The following DISC1 variants were observed in gnomAD, a reference collection of about 807,000 sequenced individuals.
DISC1 encodes DISC1 scaffold protein, also known as disrupted in schizophrenia 1 protein.
In DISC1, 57 loss-of-function variants were observed where a neutral mutation model predicts 84.5. The ratio of observed to expected loss-of-function variants is 0.67; its 90% CI spans 0.55 to 0.84. The LOEUF (loss-of-function observed/expected upper bound fraction) is 0.84. Among genes scored for constraint, DISC1 ranks in the 40% least tolerant of loss-of-function variants. The pLI is 0.00. For missense variants in DISC1, 1,000 were observed against 1,057.8 expected, an observed-to-expected ratio of 0.95 and a Z score of 0.76; for synonymous variants, 411 against 415.2, an observed-to-expected ratio of 0.99 and a Z score of 0.12.
rs1390638841 is a variant in DISC1, at chr1:231,694,182, G to C, written c.424G>C (p.Gly142Arg). 1.2e-6 allele frequency: 2 copies of C among 1,614,084 alleles called. No homozygotes were observed. The highest frequency in any genetic ancestry group is 1.7e-6 in the Non-Finnish European group (2 of 1,180,048). ...CTGGCCGTGTGGCCCTGGGAGTGCT[G>C]GGTGGCAGCAAGAGTTTGCAGCCAT... ...LSWPCGPGSA[G>R]WQQEFAAMDS... The change falls in exon 2 of 13, where the codon GGG becomes CGG. Residue 142 changes from glycine (G) to arginine (R), a missense_variant. This residue lies in a region of DISC1 where 292 missense variants were observed against 280.2 expected (regional missense o/e 1.04). Transcript: ENST00000439617.
At chr1:231,651,037 A>G (rs1222030303) in intron 1 of DISC1, among the ~76,000 whole-genome samples, 1 of 151,982 alleles carries the variant, frequency 6.6e-6, no homozygotes, top group African/African-American at 2.4e-5. Context: ...GAAGTTTGTT[A>G]TTACTGACCT....
intron 9 of DISC1, among the ~76,000 whole-genome samples, chr1:231,928,646 G>A (rs2090483710): frequency 6.6e-6 from 1 of 152,118 alleles, no homozygotes; most frequent in Non-Finnish European, 1.5e-5. Context: ...TTATTTTGAT[G>A]TTAGGGTGTC....
intron 6 of DISC1, among the ~76,000 whole-genome samples, chr1:231,792,766 T>C (rs1250790698): frequency 6.6e-6 from 1 of 152,214 alleles, no homozygotes; most frequent in Admixed American, 6.5e-5. Context: ...TCTCCATGTC[T>C]GTGTGACACT....
At position 231,861,452 on chromosome 1, in the gene DISC1, G is replaced by A. The variant is rs1475575405; in HGVS notation, c.1981+42935G>A. ...CAGACTCTGTCATTGATTTTGACAA[G>A]TTTTTTTTTTTTTTTTTTTTTTTTT... On this transcript the variant is annotated intron_variant, in intron 9 of 12. Coordinates refer to ENST00000439617, the MANE Select transcript of DISC1 (RefSeq NM_018662.3). Among the ~76,000 whole-genome samples, 4 of 88,986 alleles carry A rather than the reference G, an allele frequency of 4.5e-5. No homozygotes were observed. In the East Asian group the frequency reaches 1.3e-3, roughly 29 times the overall value. 58.4% of individuals were successfully genotyped at this position (88,986 alleles called of 152,430 possible). A position where few individuals can be genotyped will look rare whatever the true frequency, so the allele number is the denominator to read the frequency against.
intron 9 of DISC1, among the ~76,000 whole-genome samples, chr1:231,868,692 TTATATATATATATATATATA>T (rs58636016): frequency 0.23 from 24,502 of 108,814 alleles, 2,818 homozygotes; most frequent in Middle Eastern, 0.35. Context: ...ACCCCATCTC[TTATATATATATATATATATA>T]TATATATATA....
chr1:232,035,590 C>T (rs1373381797), intron 12 of DISC1, among the ~76,000 whole-genome samples: 2 of 152,182 alleles, frequency 1.3e-5, no homozygotes, highest in East Asian at 3.9e-4. Context: ...TTTCCCAAAG[C>T]TCCCCATTCC....
intron 9 of DISC1, among the ~76,000 whole-genome samples, chr1:231,873,984 A>G (rs371263990): frequency 6.6e-6 from 1 of 151,794 alleles, no homozygotes; most frequent in African/African-American, 2.4e-5. Flanking sequence ...AGTAGCTGGG[A>G]CTACAGGCAT....
chr1:231,981,824 G>C (rs1663644918), intron 10 of DISC1, among the ~76,000 whole-genome samples: 1 of 152,146 alleles, frequency 6.6e-6, no homozygotes, highest in African/African-American at 2.4e-5. Context: ...AGACAGAAAG[G>C]GTTATTGTGG....
intron 3 of DISC1, among the ~76,000 whole-genome samples, chr1:231,745,182 C>T (rs1295430121): frequency 2.0e-5 from 3 of 151,890 alleles, no homozygotes; most frequent in Non-Finnish European, 4.4e-5. Context: ...ATATAGTGAT[C>T]AGATCGGGGT....
At chr1:231,981,010 G>A (rs1389228619) in intron 10 of DISC1, among the ~76,000 whole-genome samples, 2 of 152,180 alleles carry the variant, frequency 1.3e-5, no homozygotes, top group Non-Finnish European at 2.9e-5. Context: ...GCAGTGGCAC[G>A]ATCACAGCTC....
chr1:231,653,015 G>A lies in DISC1; in HGVS notation c.67+26081G>A, dbSNP rs189799437. Among the ~76,000 whole-genome samples the A allele has an allele frequency of 1.7e-4, 26 of 152,204 alleles. No homozygotes were observed. The East Asian group carries it at 3.1e-3, about 18-fold the overall frequency. ...GGCTGGTCTTGAACTCCTGACATCC[G>A]GTGATCTGCCCGCCTTGGCCTCCCA... On this transcript the variant is annotated intron_variant, in intron 1 of 12. Transcript: ENST00000439617.
intron 9 of DISC1, among the ~76,000 whole-genome samples, chr1:231,835,330 AAG>A (rs2082551917): frequency 6.6e-6 from 1 of 152,212 alleles, no homozygotes; most frequent in African/African-American, 2.4e-5. Context: ...TGAGTCCGAA[AAG>A]AGAGTCAGCG....
At chr1:231,895,129 G>T (rs2087582968) in intron 9 of DISC1, among the ~76,000 whole-genome samples, 1 of 149,500 alleles carries the variant, frequency 6.7e-6, no homozygotes, top group South Asian at 2.1e-4. Flanking sequence ...CTTTAGAACT[G>T]AGTATTTTTT....
chr1:231,974,583 A>C (rs1320008239), intron 10 of DISC1, among the ~76,000 whole-genome samples: 2 of 152,162 alleles, frequency 1.3e-5, no homozygotes, highest in Non-Finnish European at 2.9e-5. Flanking sequence ...TAACTTCCGT[A>C]ATAAGAATCC....
At chr1:231,879,186 A>G (rs1185031903) in intron 9 of DISC1, among the ~76,000 whole-genome samples, 5 of 151,628 alleles carry the variant, frequency 3.3e-5, no homozygotes, top group African/African-American at 1.2e-4. Context: ...TCCAATTAGC[A>G]TTTCCTTTGA....
intron 9 of DISC1, among the ~76,000 whole-genome samples, chr1:231,917,612 C>G (rs1391333886): frequency 6.6e-6 from 1 of 152,206 alleles, no homozygotes; most frequent in African/African-American, 2.4e-5. Context: ...ACAGTTCCTT[C>G]CTGCTCTGGA....
intron 9 of DISC1, among the ~76,000 whole-genome samples, chr1:231,831,846 T>G: frequency 1.2e-5 from 1 of 84,242 alleles, no homozygotes; most frequent in African/African-American, 4.7e-5. Context: ...TTCTGAGAGG[T>G]AGTGGGGGGG....
chr1:231,748,870 T>C (rs956629633), intron 3 of DISC1, among the ~76,000 whole-genome samples: 70 of 152,204 alleles, frequency 4.6e-4, no homozygotes, highest in African/African-American at 1.7e-3. Context: ...GCATACCTTA[T>C]GCTTCTAATC....
intron 6 of DISC1, among the ~76,000 whole-genome samples, chr1:231,781,036 G>A (rs1162372642): frequency 8.8e-5 from 13 of 148,136 alleles, no homozygotes; most frequent in African/African-American, 3.2e-4. Context: ...GGGAGGGATA[G>A]CATCTGGAGA....
Sources: gnomAD v4.1 joint callset for allele counts (sites outside exome capture counted in the v4.1 genomes callset) on GRCh38, gnomAD v4.1.1 for gene constraint, gnomAD v4.1.1 regional missense constraint, MANE v1.5 for transcripts, NCBI Gene and HGNC (gene_info 2026-07-23, HGNC 2026-07-21) for gene names.